NRXN1: variants seen among roughly 807,000 people sequenced by gnomAD.
NRXN1 encodes the protein neurexin 1.
A neutral mutation model predicts 150.9 loss-of-function variants in NRXN1; 39 were observed. That is an observed-to-expected ratio of 0.26 (90% CI 0.20 to 0.34). The LOEUF (loss-of-function observed/expected upper bound fraction) is 0.34, where lower values mean the gene tolerates loss of function less well. Ranked by LOEUF, NRXN1 falls within the 10% of genes least tolerant of loss-of-function variation. The pLI is 1.00. For synonymous variants in NRXN1, 924 were observed against 757.0 expected (o/e 1.22, Z -3.62); for missense variants, 1,815 against 1,949.9 (o/e 0.93, Z 1.30).
intron 21 of NRXN1, among the ~76,000 whole-genome samples, chr2:50,028,345 C>A (rs1688691568): frequency 6.6e-6 from 1 of 152,136 alleles, no homozygotes; most frequent in Non-Finnish European, 1.5e-5. Context: ...AAGGAGACAT[C>A]AAGGCATTTT....
At chr2:50,659,361 C>T (rs946932597) in intron 5 of NRXN1, among the ~76,000 whole-genome samples, 21 of 151,914 alleles carry the variant, frequency 1.4e-4, no homozygotes, top group African/African-American at 4.8e-4. Flanking sequence ...ATTACTTGAT[C>T]CATTTTATTT....
intron 18 of NRXN1, among the ~76,000 whole-genome samples, chr2:50,209,182 T>G (rs369792616): frequency 6.6e-6 from 1 of 152,258 alleles, no homozygotes. Context: ...TTTGATAAAG[T>G]GACTATTTTT....
chr2:50,266,223 G>A (rs58563962), intron 17 of NRXN1, among the ~76,000 whole-genome samples: 2,636 of 148,946 alleles, frequency 0.018, 67 homozygotes, highest in African/African-American at 0.062. Context: ...GGTCTTGAAC[G>A]CCTGACCTAA....
chr2:50,261,319 A>G (rs1255056856), intron 17 of NRXN1, among the ~76,000 whole-genome samples: 13 of 151,828 alleles, frequency 8.6e-5, no homozygotes, highest in Admixed American at 8.6e-4. Flanking sequence ...ACTTTGCTTA[A>G]CAAGTGTATA....
rs559922069 is a variant in NRXN1, at chr2:50,834,112, C to G, written c.832+87757G>C. Among the ~76,000 whole-genome samples, 4 of 152,178 alleles carry G rather than the reference C, an allele frequency of 2.6e-5. No homozygotes were observed. In the South Asian group the frequency reaches 6.2e-4, roughly 24 times the overall value. On this transcript the variant is annotated intron_variant, in intron 5 of 22. Transcript: ENST00000401669. ...AGTAATTGACCTAATTGGCAAATTT[C>G]TTATTATTTATTGAGATCACTGACT...
At chr2:50,562,952 A>C (rs571517070) in intron 8 of NRXN1, among the ~76,000 whole-genome samples, 330 of 152,260 alleles carry the variant, frequency 2.2e-3, no homozygotes, top group African/African-American at 7.7e-3. Context: ...TACAATGTTT[A>C]TACGTTATAA....
At chr2:50,086,931 T>A (rs1298289488) in intron 19 of NRXN1, among the ~76,000 whole-genome samples, 1 of 152,188 alleles carries the variant, frequency 6.6e-6, no homozygotes, top group Non-Finnish European at 1.5e-5. Flanking sequence ...TCATCTTGTT[T>A]ATTTTCTCAC....
intron 8 of NRXN1, chr2:50,589,298 T>C (rs943166150): frequency 6.6e-6 from 1 of 152,278 alleles, no homozygotes; most frequent in African/African-American, 2.4e-5. Flanking sequence ...ATGAAGTTAA[T>C]AGCCCCTAGA....
intron 8 of NRXN1, among the ~76,000 whole-genome samples, chr2:50,585,410 T>A (rs527482109): frequency 2.6e-5 from 4 of 151,972 alleles, no homozygotes; most frequent in African/African-American, 9.7e-5. Flanking sequence ...GTGTAGATTA[T>A]CAGTTTTGCA....
chr2:51,006,808 C>G (rs1404688853), intron 2 of NRXN1, among the ~76,000 whole-genome samples: 1 of 151,846 alleles, frequency 6.6e-6, no homozygotes. Flanking sequence ...CCTCTTCTCC[C>G]TATGTTCCCT....
rs112915658 is a variant in NRXN1, at chr2:50,730,405, C to A, written c.833-106790G>T. Among the ~76,000 whole-genome samples, 256 of 152,128 alleles carry A rather than the reference C, an allele frequency of 1.7e-3. 3 individuals carry two copies. Among genetic ancestry groups the A allele is most frequent in the African/African-American group, 6.0e-3 (249 of 41,510 alleles). On this transcript the variant is annotated intron_variant, in intron 5 of 22. Transcript: ENST00000401669. Reference sequence around the variant, plus strand: ...TATTTAAGTATAAAAAGGAATCAAGCATAACTTTAATGAGATTTCTCAGAC... The same window carrying A: ...TATTTAAGTATAAAAAGGAATCAAGAATAACTTTAATGAGATTTCTCAGAC...
intron 5 of NRXN1, among the ~76,000 whole-genome samples, chr2:50,747,931 A>T (rs1335039116): frequency 6.6e-6 from 1 of 152,104 alleles, no homozygotes; most frequent in Non-Finnish European, 1.5e-5. Context: ...TGTTTTCCAT[A>T]TCATCAACAC....
At chr2:50,792,283 A>T (rs958484812) in intron 5 of NRXN1, among the ~76,000 whole-genome samples, 1 of 152,130 alleles carries the variant, frequency 6.6e-6, no homozygotes, top group Admixed American at 6.6e-5. Flanking sequence ...TGAATAATGG[A>T]AAGAAAATAC....
At position 50,595,762 on chromosome 2, in the gene NRXN1, G is replaced by C. The variant is rs563156521; in HGVS notation, c.1320+24260C>G. 3.7e-4 allele frequency among the ~76,000 whole-genome samples: 57 copies of C among 152,282 alleles called. 2 individuals are homozygous for C. In the South Asian group the frequency reaches 5.4e-3, roughly 14 times the overall value. On this transcript the variant is annotated intron_variant, in intron 8 of 22. Transcript: ENST00000401669. The stretch of plus-strand genomic sequence containing the variant: ...GTCTCTCAGGTGTTTTTTGACTAAA[G>C]TCAATTATGACTTTAGTTTCTACTG...
intron 18 of NRXN1, among the ~76,000 whole-genome samples, chr2:50,187,144 T>A (rs2061130001): frequency 6.6e-6 from 1 of 152,002 alleles, no homozygotes. Context: ...ACCTAAAACA[T>A]GTGCAACTGT....
intron 2 of NRXN1, among the ~76,000 whole-genome samples, chr2:51,000,523 G>T (rs965770585): frequency 7.0e-6 from 1 of 143,406 alleles, no homozygotes; most frequent in Non-Finnish European, 1.5e-5. Flanking sequence ...ATATGAAATT[G>T]CTAATATTAT....
intron 5 of NRXN1, among the ~76,000 whole-genome samples, chr2:50,718,961 A>T (rs185611915): frequency 2.7e-5 from 4 of 150,922 alleles, no homozygotes; most frequent in Admixed American, 1.3e-4. Context: ...GTTAGTTTGC[A>T]TATATAAAAC....
intron 17 of NRXN1, among the ~76,000 whole-genome samples, chr2:50,389,267 G>A (rs1480494403): frequency 6.7e-6 from 1 of 149,992 alleles, no homozygotes; most frequent in Non-Finnish European, 1.5e-5. Flanking sequence ...ATATGAATAA[G>A]TTGACATGTC....
intron 17 of NRXN1, among the ~76,000 whole-genome samples, chr2:50,341,957 C>G (rs1276766841): frequency 1.3e-5 from 2 of 152,020 alleles, no homozygotes; most frequent in Non-Finnish European, 2.9e-5. Flanking sequence ...ATTGAATTTG[C>G]CTCTTTAAGG....
Sources: gnomAD v4.1 joint callset for allele counts (sites outside exome capture counted in the v4.1 genomes callset) on GRCh38, gnomAD v4.1.1 for gene constraint, MANE v1.5 for transcripts, NCBI Gene and HGNC (gene_info 2026-07-23, HGNC 2026-07-21) for gene names.